PTPRG: variants seen among roughly 807,000 people sequenced by gnomAD.
PTPRG encodes the protein receptor-type tyrosine-protein phosphatase gamma.
PTPRG carries 102 observed loss-of-function variants against 165.3 expected under a neutral mutation model. That is an observed-to-expected ratio of 0.62 (90% CI 0.53 to 0.73). The LOEUF (loss-of-function observed/expected upper bound fraction) is 0.73, where lower values mean the gene tolerates loss of function less well. Among genes scored for constraint, PTPRG ranks in the 30% least tolerant of loss-of-function variants. The pLI, the probability that PTPRG is intolerant of heterozygous loss-of-function variation, is 0.00. For missense variants in PTPRG, 1,866 were observed against 1,861.4 expected (o/e 1.00, Z -0.05); for synonymous variants, 675 against 669.5 (o/e 1.01, Z -0.13).
chr3:62,282,633 T>C, intron 27 of PTPRG, 94 bp from the exon 28 acceptor site: 1 of 1,314,040 alleles, frequency 7.6e-7, no homozygotes, highest in Non-Finnish European at 1.0e-6. Context: ...GAGTTACCTA[T>C]AACACATGGC....
intron 2 of PTPRG, among the ~76,000 whole-genome samples, chr3:61,950,034 CTG>C (rs1265175875): frequency 2.0e-5 from 3 of 152,248 alleles, no homozygotes; most frequent in Admixed American, 2.0e-4. Flanking sequence ...GCATGAGCCA[CTG>C]AGCCCGGCCA....
chr3:61,564,841 G>A (rs1699867387), intron 1 of PTPRG, among the ~76,000 whole-genome samples: 1 of 152,198 alleles, frequency 6.6e-6, no homozygotes, highest in Non-Finnish European at 1.5e-5. Flanking sequence ...GGCTGCAGAC[G>A]CGCCTTGGCG....
At chr3:61,899,384 T>C (rs1207607858) in intron 2 of PTPRG, among the ~76,000 whole-genome samples, 1 of 152,148 alleles carries the variant, frequency 6.6e-6, no homozygotes, top group Non-Finnish European at 1.5e-5. Context: ...AAAAGGAACG[T>C]AAGGGAAATA....
chr3:61,765,032 G>A (rs1301174171), intron 2 of PTPRG, among the ~76,000 whole-genome samples: 2 of 152,134 alleles, frequency 1.3e-5, no homozygotes, highest in Non-Finnish European at 2.9e-5. Context: ...TAAACTGAAG[G>A]CTCACCAGAA....
chr3:62,235,210 C>A lies in PTPRG; in HGVS notation c.2375+3899C>A, dbSNP rs147910856. ...GGACTATCACATCACTGTTAACCTT[C>A]CAAAATCAGTGGGATATTGTGTCAG... On this transcript the variant is annotated intron_variant, in intron 14 of 29. Transcript: ENST00000474889. Among the ~76,000 whole-genome samples the A allele has an allele frequency of 2.7e-4, 41 of 152,316 alleles. No homozygotes were observed. In the East Asian group the frequency reaches 7.7e-3, roughly 29 times the overall value.
intron 2 of PTPRG, among the ~76,000 whole-genome samples, chr3:61,779,489 G>C (rs1011300789): frequency 6.6e-6 from 1 of 152,122 alleles, no homozygotes; most frequent in African/African-American, 2.4e-5. Flanking sequence ...CGGGGAGATA[G>C]GGCTAAAATA....
chr3:61,860,389 C>T (rs2037227489), intron 2 of PTPRG, among the ~76,000 whole-genome samples: 1 of 151,156 alleles, frequency 6.6e-6, no homozygotes, highest in Non-Finnish European at 1.5e-5. Flanking sequence ...ACTTTTCTCC[C>T]CAGGCATAGA....
chr3:62,290,079 C>G (rs1439256056), intron 28 of PTPRG, among the ~76,000 whole-genome samples: 2 of 151,704 alleles, frequency 1.3e-5, no homozygotes, highest in Non-Finnish European at 2.9e-5. Context: ...TGAAGTGAAA[C>G]CAAACAGAAA....
At chr3:61,764,099 G>A (rs573194046) in intron 2 of PTPRG, among the ~76,000 whole-genome samples, 1 of 152,282 alleles carries the variant, frequency 6.6e-6, no homozygotes, top group African/African-American at 2.4e-5. Context: ...ATATTATTGA[G>A]TACTGAAGAT....
At chr3:61,712,648 T>G (rs2031621830) in intron 1 of PTPRG, among the ~76,000 whole-genome samples, 1 of 152,164 alleles carries the variant, frequency 6.6e-6, no homozygotes, top group Non-Finnish European at 1.5e-5. Flanking sequence ...CCACCATGAT[T>G]GTAAGTTTCC....
At chr3:61,661,310 TAA>T (rs1413669323) in intron 1 of PTPRG, among the ~76,000 whole-genome samples, 1 of 93,618 alleles carries the variant, frequency 1.1e-5, no homozygotes, top group East Asian at 3.0e-4. Flanking sequence ...ACTATTTTTA[TAA>T]AAGTTTCCTT....
chr3:62,296,028 T>C lies in PTPRG; in HGVS notation c.*2721T>C, dbSNP rs1285544816. 1 of 152,082 alleles carries C rather than the reference T, an allele frequency of 6.6e-6. No homozygotes were observed. The highest frequency in any genetic ancestry group is 1.9e-4 in the East Asian group (1 of 5,186). 9.4% of individuals were successfully genotyped at this position (152,082 alleles called of 1,614,324 possible). ...AATAAGCTGTTTGTGTATATGAATT[T>C]AGCTCTAGGTAAGCAAAATGCACAC... is the stretch of plus-strand genomic sequence containing the variant. On this transcript the variant is annotated 3_prime_UTR_variant, in exon 30 of 30. Coordinates refer to ENST00000474889, the MANE Select transcript of PTPRG (RefSeq NM_002841.4).
At chr3:61,669,730 T>C (rs1702915987) in intron 1 of PTPRG, among the ~76,000 whole-genome samples, 2 of 152,206 alleles carry the variant, frequency 1.3e-5, no homozygotes, top group Admixed American at 6.5e-5. Flanking sequence ...ATGTGTCTTT[T>C]ATTGCTGCAA....
rs1212714060 is a variant in PTPRG at position 62,240,263 on chromosome 3, A to AGGCGGAGGTTGCAGTGAGCTGAGATCGT, written c.2376-3542_2376-3515dup. The stretch of plus-strand genomic sequence containing the variant: ...GGCGTGAGAATCGCCCGAACCTGGG[A>AGGCGGAGGTTGCAGTGAGCTGAGATCGT]GGCGGAGGTTGCAGTGAGCTGAGAT... On this transcript the variant is annotated intron_variant, in intron 14 of 29. Coordinates refer to ENST00000474889, the MANE Select transcript of PTPRG (RefSeq NM_002841.4). The surrounding 1 kb of genome is among the most constrained non-coding windows in gnomAD (Gnocchi z 5.1). 1.3e-5 allele frequency among the ~76,000 whole-genome samples: 2 copies of AGGCGGAGGTTGCAGTGAGCTGAGATCGT among 152,170 alleles called. No individual in the cohort carries two copies. Among genetic ancestry groups the AGGCGGAGGTTGCAGTGAGCTGAGATCGT allele is most frequent in the African/African-American group, 4.8e-5 (2 of 41,440 alleles).
intron 1 of PTPRG, among the ~76,000 whole-genome samples, chr3:61,687,145 C>A (rs1225863361): frequency 6.6e-6 from 1 of 152,156 alleles, no homozygotes; most frequent in Admixed American, 6.5e-5. Flanking sequence ...CTGTTCACTT[C>A]CAGCTGACAG....
intron 2 of PTPRG, among the ~76,000 whole-genome samples, chr3:61,954,984 T>G (rs969837882): frequency 6.6e-6 from 1 of 152,208 alleles, no homozygotes; most frequent in African/African-American, 2.4e-5. Flanking sequence ...GGAATCAAGT[T>G]GTGATAAATT....
chr3:61,715,280 G>T (rs989745172), intron 1 of PTPRG, among the ~76,000 whole-genome samples: 1 of 151,328 alleles, frequency 6.6e-6, no homozygotes, highest in Non-Finnish European at 1.5e-5. Context: ...GTAGTGGCAT[G>T]ATCATGGCTC....
rs561375909 is a variant in PTPRG at position 61,983,158 on chromosome 3, T to G, written c.191-6467T>G. ...AGTAATATGCATGCCTTTTAAGACT[T>G]TTTCCATTTTTCGTGTACACACAAA... On this transcript the variant is annotated intron_variant, in intron 2 of 29. Coordinates refer to ENST00000474889, the MANE Select transcript of PTPRG (RefSeq NM_002841.4). 2.2e-3 allele frequency among the ~76,000 whole-genome samples: 334 copies of G among 152,276 alleles called. 2 individuals carry two copies. The highest frequency in any genetic ancestry group is 7.8e-3 in the African/African-American group (323 of 41,574).
chr3:61,959,734 C>T (rs1278205045), intron 2 of PTPRG, among the ~76,000 whole-genome samples: 1 of 152,168 alleles, frequency 6.6e-6, no homozygotes, highest in Non-Finnish European at 1.5e-5. Context: ...TTCTTATGTT[C>T]ACAACACTTG....
Sources: allele counts gnomAD v4.1 joint callset (sites outside exome capture counted in the v4.1 genomes callset), GRCh38; gene constraint gnomAD v4.1.1; non-coding constraint Gnocchi (gnomAD v3.1); transcripts MANE v1.5; gene names NCBI Gene and HGNC (gene_info 2026-07-23, HGNC 2026-07-21).